The following WDR49 variants were observed in gnomAD, a reference collection of about 807,000 sequenced individuals.
WDR49 encodes the protein cilia- and flagella-associated protein 337.
A neutral mutation model predicts 119.5 loss-of-function variants in WDR49; 107 were observed. That is an observed-to-expected ratio of 0.90 (90% CI 0.77 to 1.05). The LOEUF is 1.05. Ranked by LOEUF, WDR49 falls within the 50% of genes least tolerant of loss-of-function variation. The pLI is 0.00. For missense variants in WDR49, 1,240 were observed against 1,220.5 expected (o/e 1.02, Z -0.24); for synonymous variants, 425 against 418.8 (o/e 1.01, Z -0.18).
chr3:167,550,784 A>ATTTTT (rs1712512095), intron 10 of WDR49, among the ~76,000 whole-genome samples: 1 of 145,914 alleles, frequency 6.9e-6, no homozygotes. Context: ...TTTTTGAGAG[A>ATTTTT]GAGAGAGAGA....
At chr3:167,578,766 T>C (rs1445871233) in intron 7 of WDR49, among the ~76,000 whole-genome samples, 2 of 152,154 alleles carry the variant, frequency 1.3e-5, no homozygotes, top group African/African-American at 4.8e-5. Context: ...CAGCCTATTT[T>C]TGCATTAGCT....
At chr3:167,657,631 T>C (rs1238413776), upstream of WDR49, among the ~76,000 whole-genome samples, 1 of 151,680 alleles carries the variant, frequency 6.6e-6, no homozygotes. Flanking sequence ...CACTGAAGCC[T>C]GTTCTTACTC....
At chr3:167,637,534 G>A (rs1212064351) in intron 2 of WDR49, among the ~76,000 whole-genome samples, 1 of 151,492 alleles carries the variant, frequency 6.6e-6, no homozygotes, top group Non-Finnish European at 1.5e-5. Flanking sequence ...GTGAAGAATA[G>A]TGGTGGTATT....
At chr3:167,627,898 C>A (rs1717204905) in intron 2 of WDR49, among the ~76,000 whole-genome samples, 1 of 152,082 alleles carries the variant, frequency 6.6e-6, no homozygotes. Flanking sequence ...CCTTGCAAGT[C>A]TATCAGTGCC....
Position 167,505,332 on chromosome 3 carries a change from A to G in WDR49, c.2859T>C (p.Tyr953=), listed in dbSNP as rs774779867. The G allele has an allele frequency of 1.3e-6, 2 of 1,525,562 alleles. No homozygotes were observed. Among genetic ancestry groups the G allele is most frequent in the East Asian group, 4.8e-5 (2 of 41,754 alleles). The allele number at this position is 1,525,562 out of a possible 1,614,324, so 94.5% of individuals were successfully genotyped here. The change falls in exon 17 of 19, where the codon TAT becomes TAC. Residue 953 remains tyrosine, a synonymous_variant. Transcript: ENST00000682715. ...TCMKETQKPY[Y]GEVIKKSFST... is the part of the protein sequence containing the mutation. Reference sequence around the variant, plus strand: ...TGAATGATTTTTTTATAACTTCACCATAATAAGGTTTTTGTGTTTCTTTCA... The same window carrying G: ...TGAATGATTTTTTTATAACTTCACCGTAATAAGGTTTTTGTGTTTCTTTCA...
At chr3:167,503,393 G>T (rs1379992998) in intron 17 of WDR49, among the ~76,000 whole-genome samples, 1 of 152,218 alleles carries the variant, frequency 6.6e-6, no homozygotes, top group African/African-American at 2.4e-5. Flanking sequence ...CTTCCAAAAT[G>T]GCGGTGGGCC....
chr3:167,537,328 T>C (rs552634667), intron 10 of WDR49, among the ~76,000 whole-genome samples: 2 of 152,244 alleles, frequency 1.3e-5, no homozygotes, highest in Admixed American at 1.3e-4. Flanking sequence ...TATTATGAAA[T>C]CACCGAGTTT....
At chr3:167,620,632 T>C in intron 4 of WDR49, 29 bp from the exon 5 acceptor site, 1 of 1,508,422 alleles carries the variant, frequency 6.6e-7, no homozygotes, top group Non-Finnish European at 8.8e-7. Context: ...AGAACAACAA[T>C]CGTGGACGGG....
At chr3:167,546,264 C>G (rs1358250013) in intron 10 of WDR49, among the ~76,000 whole-genome samples, 1 of 151,906 alleles carries the variant, frequency 6.6e-6, no homozygotes, top group African/African-American at 2.4e-5. Flanking sequence ...AATAGTCTTT[C>G]TGATATTTGA....
chr3:167,512,660 A>C (rs1466100558), intron 16 of WDR49, among the ~76,000 whole-genome samples: 2 of 152,240 alleles, frequency 1.3e-5, no homozygotes, highest in Non-Finnish European at 2.9e-5. Flanking sequence ...AATAAACTTC[A>C]CTGAGGTAAA....
At position 167,522,498 on chromosome 3, in the gene WDR49, A is replaced by G; in HGVS notation, c.2605-14T>C. On this transcript the variant is annotated splice_polypyrimidine_tract_variant and intron_variant, in intron 15 of 18. Transcript: ENST00000682715. ...CCAGTGCTTTGCCTGAAAAAAACGA[A>G]AACATCTGTTTTATTTTTATGAAAT... 6.3e-7 allele frequency: 1 copy of G among 1,585,660 alleles called. No individual in the cohort carries two copies. The highest frequency in any genetic ancestry group is 8.5e-7 in the Non-Finnish European group (1 of 1,173,544).
At chr3:167,591,988 G>A (rs77439943) in intron 7 of WDR49, among the ~76,000 whole-genome samples, 3,956 of 151,708 alleles carry the variant, frequency 0.026, 161 homozygotes, top group East Asian at 0.17. Context: ...TTTCCTTCCT[G>A]TCTTCCTTAT....
chr3:167,603,174 G>A (rs990902128), intron 6 of WDR49, among the ~76,000 whole-genome samples: 1 of 152,116 alleles, frequency 6.6e-6, no homozygotes. Flanking sequence ...TCCAGAGCAG[G>A]AAATGTTGTA....
chr3:167,613,118 T>A (rs1244134464), intron 5 of WDR49, among the ~76,000 whole-genome samples: 1 of 152,178 alleles, frequency 6.6e-6, no homozygotes. Flanking sequence ...AGGTTGTACT[T>A]ATTTCACATT....
intron 2 of WDR49, among the ~76,000 whole-genome samples, chr3:167,637,047 T>C (rs1171897853): frequency 6.6e-6 from 1 of 151,942 alleles, no homozygotes; most frequent in Non-Finnish European, 1.5e-5. Flanking sequence ...TTTTAGGTTC[T>C]TGGTCATGAA....
At chr3:167,497,841 C>A (rs1207412018) in intron 18 of WDR49, among the ~76,000 whole-genome samples, 3 of 150,394 alleles carry the variant, frequency 2.0e-5, no homozygotes, top group Non-Finnish European at 4.4e-5. Flanking sequence ...GTTTGTGGCT[C>A]ACAAAGACAA....
At chr3:167,570,760 G>A (rs765796046) in intron 8 of WDR49, among the ~76,000 whole-genome samples, 5 of 152,128 alleles carry the variant, frequency 3.3e-5, no homozygotes, top group Admixed American at 1.3e-4. Flanking sequence ...TGATAAGGCC[G>A]GATGCAGTGG....
At chr3:167,506,069 T>C (rs1252751293) in intron 16 of WDR49, among the ~76,000 whole-genome samples, 1 of 152,204 alleles carries the variant, frequency 6.6e-6, no homozygotes, top group Non-Finnish European at 1.5e-5. Context: ...AAAATTGTTA[T>C]TAGTATCTTC....
rs768892749 is a variant in WDR49 at position 167,500,261 on chromosome 3, G to T, written c.2923C>A (p.Leu975Met). Residue 975 changes from leucine to methionine, a missense_variant, in exon 18 of 19, where the codon CTG becomes ATG. By Grantham distance (15) the Leu-to-Met change is conservative. Coordinates refer to ENST00000682715, the MANE Select transcript of WDR49 (RefSeq NM_001366157.1). The part of the protein sequence containing the change: ...RSLNIGALEE[L>M]PEVNKPAFLL... ...AAAGCAGGTTTATTCACTTCAGGCA[G>T]CTCTTCCAGGGCTCCAATGTTTAAT... 5.6e-6 allele frequency: 9 copies of T among 1,606,166 alleles called. No individual in the cohort carries two copies. The Admixed American group carries it at 1.6e-4, about 28-fold the overall frequency.
Sources: gnomAD v4.1 joint callset for allele counts (sites outside exome capture counted in the v4.1 genomes callset) on GRCh38, gnomAD v4.1.1 for gene constraint, MANE v1.5 for transcripts, NCBI Gene and HGNC (gene_info 2026-07-23, HGNC 2026-07-21) for gene names.